SLC5A11: variants seen among roughly 807,000 people sequenced by gnomAD.
The protein encoded by SLC5A11 is solute carrier family 5 member 11.
Under a neutral mutation model 69.8 loss-of-function variants are expected in SLC5A11, and 48 were observed. The observed-to-expected ratio is 0.69, with a 90% confidence interval of 0.55 to 0.87. SLC5A11 has a LOEUF of 0.87. Ranked by LOEUF, SLC5A11 falls within the 40% of genes least tolerant of loss-of-function variation. The pLI, the probability that SLC5A11 is intolerant of heterozygous loss-of-function variation, is 0.00. For synonymous variants in SLC5A11, 319 were observed against 342.4 expected, an observed-to-expected ratio of 0.93 and a Z score of 0.75; for missense variants, 784 against 866.1, an observed-to-expected ratio of 0.91 and a Z score of 1.19.
chr16:24,910,189 G>A, intron 14 of SLC5A11, 117 bp from the exon 16 acceptor site: 1 of 957,522 alleles, frequency 1.0e-6, no homozygotes, highest in Middle Eastern at 3.4e-4. Context: ...GGGTGGGGCT[G>A]GGAGCAGATT....
At chr16:24,851,902 G>A (rs895146600) in intron 1 of SLC5A11, among the ~76,000 whole-genome samples, 8 of 151,932 alleles carry the variant, frequency 5.3e-5, no homozygotes, top group Non-Finnish European at 1.2e-4. Context: ...TGGAGAGTCT[G>A]TTGCTCATAA....
chr16:24,866,056 T>C (rs1176965734), intron 3 of SLC5A11, among the ~76,000 whole-genome samples: 2 of 148,860 alleles, frequency 1.3e-5, no homozygotes, highest in Non-Finnish European at 3.0e-5. Context: ...ACAGAAACTA[T>C]TGTTTTAATA....
At chr16:24,894,037 A>G (rs886725492) in intron 9 of SLC5A11, among the ~76,000 whole-genome samples, 8 of 152,216 alleles carry the variant, frequency 5.3e-5, no homozygotes, top group Non-Finnish European at 1.0e-4. Context: ...TCTCTTTGCT[A>G]AAGAGCTGCT....
chr16:24,857,190 G>C (rs1025350812), intron 1 of SLC5A11, among the ~76,000 whole-genome samples: 1 of 152,204 alleles, frequency 6.6e-6, no homozygotes, highest in Admixed American at 6.5e-5. Flanking sequence ...GAAACATCAC[G>C]TTGTGCTGTT....
chr16:24,904,498 T>G (rs1370256848), intron 10 of SLC5A11, among the ~76,000 whole-genome samples: 1 of 152,168 alleles, frequency 6.6e-6, no homozygotes, highest in Non-Finnish European at 1.5e-5. Context: ...TCCTTGATGA[T>G]TAGTGATGTT....
intron 10 of SLC5A11, among the ~76,000 whole-genome samples, chr16:24,898,826 A>AT (rs529456857): frequency 1.4e-5 from 2 of 145,366 alleles, no homozygotes; most frequent in Admixed American, 1.4e-4. Flanking sequence ...CCTTTTTTGC[A>AT]TTTTTTTAAA....
At chr16:24,881,525 T>G (rs925646388) in intron 7 of SLC5A11, among the ~76,000 whole-genome samples, 2 of 152,138 alleles carry the variant, frequency 1.3e-5, no homozygotes, top group African/African-American at 4.8e-5. Context: ...TGGCCTCAAG[T>G]GATCCGCCTG....
chr16:24,849,366 A>C (rs2059161204), intron 1 of SLC5A11, among the ~76,000 whole-genome samples: 1 of 151,650 alleles, frequency 6.6e-6, no homozygotes, highest in South Asian at 2.1e-4. Context: ...TCAGGAGTTC[A>C]AGACAAGCTG....
chr16:24,888,161 C>T (rs929333255), intron 8 of SLC5A11, among the ~76,000 whole-genome samples: 4 of 151,980 alleles, frequency 2.6e-5, no homozygotes, highest in African/African-American at 9.7e-5. Flanking sequence ...TGTATAAAAG[C>T]GTTGTTCAGA....
At chr16:24,877,000 T>G in intron 6 of SLC5A11, 1 of 1,108,816 alleles carries the variant, frequency 9.0e-7, no homozygotes, top group Non-Finnish European at 1.2e-6. Context: ...GGTTGCAGTG[T>G]GGAAGATGGA....
chr16:24,881,984 G>C lies in SLC5A11; in HGVS notation c.584-2067G>C, dbSNP rs373440139. Reference sequence around the variant, plus strand: ...ATTGACAAAATCTAACATATGCAAAGTCCCCTGATACAGAAAGACCTTGGC... The same window carrying C: ...ATTGACAAAATCTAACATATGCAAACTCCCCTGATACAGAAAGACCTTGGC... On this transcript the variant is annotated intron_variant, in intron 7 of 15. Coordinates refer to ENST00000347898, the Ensembl canonical transcript of SLC5A11. Among the ~76,000 whole-genome samples, 7 of 152,340 alleles carry C rather than the reference G, an allele frequency of 4.6e-5. No individual in the cohort carries two copies. In the South Asian group the frequency reaches 1.5e-3, roughly 32 times the overall value.
intron 1 of SLC5A11, among the ~76,000 whole-genome samples, chr16:24,856,558 C>T (rs973757263): frequency 6.8e-6 from 1 of 147,250 alleles, no homozygotes; most frequent in Non-Finnish European, 1.5e-5. Context: ...TCGAGACCAT[C>T]CTGGCTAACA....
At position 24,890,950 on chromosome 16, in the gene SLC5A11, GCTGC is replaced by G; in HGVS notation, c.747_750del (p.Ser249ArgfsTer16). On this transcript the variant is annotated frameshift_variant, in exon 9 of 16. Transcript: ENST00000347898. LOFTEE classifies it high-confidence loss of function. The stretch of plus-strand genomic sequence containing the variant: ...GCTAGCAACCGGAGTGAGAACAGCA[GCTGC>G]GGGCTGCCCCGGGAAGATGCCTTCC... 1 of 1,614,174 alleles carries G rather than the reference GCTGC, an allele frequency of 6.2e-7. No homozygotes were observed. The highest frequency in any genetic ancestry group is 1.1e-5 in the South Asian group (1 of 91,076).
intron 7 of SLC5A11, among the ~76,000 whole-genome samples, chr16:24,877,820 C>T (rs1290671532): frequency 6.6e-6 from 1 of 152,200 alleles, no homozygotes; most frequent in Non-Finnish European, 1.5e-5. Flanking sequence ...CCCATCTCTA[C>T]TAAAAATACA....
intron 10 of SLC5A11, among the ~76,000 whole-genome samples, chr16:24,903,703 G>A (rs1396951074): frequency 6.6e-6 from 1 of 152,084 alleles, no homozygotes; most frequent in African/African-American, 2.4e-5. Context: ...TCTTTTTTAT[G>A]GCTAAATAGT....
At chr16:24,872,214 G>T in exon 5 of SLC5A11, 1 of 1,614,080 alleles carries the variant, frequency 6.2e-7, no homozygotes, top group East Asian at 2.2e-5. Context: ...CTACATTGCT[G>T]GTCAGGTGAG....
At chr16:24,870,805 G>C (rs532902043) in intron 4 of SLC5A11, among the ~76,000 whole-genome samples, 2 of 120,736 alleles carry the variant, frequency 1.7e-5, no homozygotes, top group East Asian at 2.1e-4. Flanking sequence ...AAAAAAAAAA[G>C]GGTGTGTGAA....
At position 24,907,017 on chromosome 16, in the gene SLC5A11, G is replaced by A. The variant is rs139933182; in HGVS notation, c.1115-8G>A. The A allele has an allele frequency of 3.1e-4, 494 of 1,613,042 alleles. No homozygotes were observed. Among genetic ancestry groups the A allele is most frequent in the Non-Finnish European group, 3.7e-4 (442 of 1,179,494 alleles). ...GACCGAGGCCCATGACCTCCCTTCCGCCCCCAGGGCTCCGTGGGCTGATGA... is the reference window on the plus strand; with the variant it reads ...GACCGAGGCCCATGACCTCCCTTCCACCCCCAGGGCTCCGTGGGCTGATGA... On this transcript the variant is annotated splice_region_variant and splice_polypyrimidine_tract_variant and intron_variant, in intron 11 of 15. Transcript: ENST00000347898.
chr16:24,889,543 A>ATTTT lies in SLC5A11; in HGVS notation c.665-1302_665-1299dup, dbSNP rs71156454. ...ATTAGACCTACTACAAGGTCTTACAATTTTTTTTTTTTTTTTTTTTTTTTT... is the reference window on the plus strand; with the variant it reads ...ATTAGACCTACTACAAGGTCTTACAATTTTTTTTTTTTTTTTTTTTTTTTTTTTT... On this transcript the variant is annotated intron_variant, in intron 8 of 15. Coordinates refer to ENST00000347898, the Ensembl canonical transcript of SLC5A11. Among the ~76,000 whole-genome samples the ATTTT allele has an allele frequency of 2.5e-3, 184 of 74,340 alleles. 25 individuals are homozygous for ATTTT. The highest frequency in any genetic ancestry group is 5.6e-3 in the African/African-American group (102 of 18,138). 48.8% of individuals were successfully genotyped at this position (74,340 alleles called of 152,430 possible).
Sources: gnomAD v4.1 joint callset for allele counts (sites outside exome capture counted in the v4.1 genomes callset) on GRCh38, gnomAD v4.1.1 for gene constraint, MANE v1.5 for transcripts, NCBI Gene and HGNC (gene_info 2026-07-23, HGNC 2026-07-21) for gene names.